Variants in KIZ observed in about 807,000 individuals in gnomAD.
KIZ encodes the protein centrosomal protein kizuna.
In KIZ, 68 loss-of-function variants were observed where a neutral mutation model predicts 79.6. That is an observed-to-expected ratio of 0.85 (90% CI 0.70 to 1.05). KIZ has a LOEUF of 1.05. KIZ is among the 50% of genes least tolerant of loss of function. KIZ has a pLI of 0.00. For missense variants in KIZ, 797 were observed against 800.4 expected (o/e 1.00, Z 0.05); for synonymous variants, 280 against 281.8 (o/e 0.99, Z 0.06).
intron 3 of KIZ, among the ~76,000 whole-genome samples, chr20:21,143,569 C>G (rs1362089121): frequency 6.6e-6 from 1 of 152,164 alleles, no homozygotes; most frequent in Non-Finnish European, 1.5e-5. Context: ...CATGTGCATA[C>G]TGAGGAAGTA....
chr20:21,215,505 A>C, intron 8 of KIZ, 78 bp from the exon 9 acceptor site: 1 of 760,842 alleles, frequency 1.3e-6, no homozygotes, highest in South Asian at 2.1e-5. Context: ...AAGTGAACAT[A>C]AAGGGAAGGA....
intron 11 of KIZ, among the ~76,000 whole-genome samples, chr20:21,233,084 C>T (rs1314682111): frequency 1.3e-5 from 2 of 152,196 alleles, no homozygotes; most frequent in East Asian, 1.9e-4. Flanking sequence ...CACAAATTAG[C>T]GTCTACAGCT....
intron 6 of KIZ, among the ~76,000 whole-genome samples, chr20:21,183,099 T>A (rs972640233): frequency 6.6e-6 from 1 of 152,098 alleles, no homozygotes; most frequent in Admixed American, 6.6e-5. Context: ...ATTGCTAAAT[T>A]TGGTCCAAAG....
chr20:21,184,910 G>A (rs749505729), intron 6 of KIZ, among the ~76,000 whole-genome samples: 4 of 152,172 alleles, frequency 2.6e-5, no homozygotes, highest in Non-Finnish European at 4.4e-5. Context: ...AGGCATGATG[G>A]TACACACCTG....
At chr20:21,171,142 T>A (rs555324521) in intron 6 of KIZ, among the ~76,000 whole-genome samples, 1 of 152,358 alleles carries the variant, frequency 6.6e-6, no homozygotes, top group African/African-American at 2.4e-5. Flanking sequence ...AGGTGTTTAG[T>A]GGTATGCAAT....
chr20:21,237,153 T>C (rs1316875210), intron 11 of KIZ, among the ~76,000 whole-genome samples: 1 of 151,280 alleles, frequency 6.6e-6, no homozygotes, highest in Non-Finnish European at 1.5e-5. Flanking sequence ...AGTACAAAAA[T>C]TAGCTAGACA....
chr20:21,181,553 GGTTCAAGC>G (rs2034656308), intron 6 of KIZ, among the ~76,000 whole-genome samples: 2 of 151,666 alleles, frequency 1.3e-5, no homozygotes, highest in South Asian at 4.2e-4. Flanking sequence ...CCACCTCCCA[GGTTCAAGC>G]GTTTCTCATG....
chr20:21,217,817 G>A (rs1014695626), intron 9 of KIZ, among the ~76,000 whole-genome samples: 1 of 152,060 alleles, frequency 6.6e-6, no homozygotes, highest in African/African-American at 2.4e-5. Context: ...TTCTGTGTGG[G>A]CCCCCACAGT....
chr20:21,228,637 A>G (rs903902713), intron 9 of KIZ, among the ~76,000 whole-genome samples: 1 of 152,240 alleles, frequency 6.6e-6, no homozygotes. Flanking sequence ...GCCAGAGCAA[A>G]GAGAGTTTCT....
chr20:21,199,398 T>C (rs1230330021), intron 6 of KIZ, among the ~76,000 whole-genome samples: 2 of 152,236 alleles, frequency 1.3e-5, no homozygotes, highest in Non-Finnish European at 2.9e-5. Flanking sequence ...TAGAGCCAGA[T>C]AAAGAAGTCA....
At chr20:21,235,768 C>T (rs369866065) in intron 11 of KIZ, among the ~76,000 whole-genome samples, 189 of 152,322 alleles carry the variant, frequency 1.2e-3, no homozygotes, top group East Asian at 2.9e-3. Context: ...GAAGTCACCC[C>T]GCCACTGTAC....
intron 7 of KIZ, among the ~76,000 whole-genome samples, chr20:21,210,659 T>A (rs2036029701): frequency 6.6e-6 from 1 of 152,328 alleles, no homozygotes; most frequent in Admixed American, 6.5e-5. Context: ...TTCAGGCTTT[T>A]GCTATGCATG....
chr20:21,223,089 T>C (rs1046226321), intron 9 of KIZ, among the ~76,000 whole-genome samples: 2 of 152,242 alleles, frequency 1.3e-5, no homozygotes, highest in Non-Finnish European at 2.9e-5. Context: ...AATAAATCAT[T>C]GAGTACAAAT....
rs1364261058 is a variant in KIZ at position 21,136,436 on chromosome 20, T to G, written c.199T>G (p.Cys67Gly). 2.6e-6 allele frequency: 4 copies of G among 1,567,954 alleles called. No individual in the cohort carries two copies. The highest frequency in any genetic ancestry group is 3.5e-6 in the Non-Finnish European group (4 of 1,149,180). The change falls in exon 3 of 13, where the codon TGT (cysteine) becomes GGT (glycine). Residue 67 changes from cysteine to glycine, a missense_variant. Cys to Gly is a radical substitution (Grantham distance 159). Transcript: ENST00000619189. ...VKLKNYLKEI[C>G]ESEKKAHTRN... ...ACTAAAGAATTATCTGAAGGAAATA[T>G]GTGAATCTGAAAAGAAGGCTCATAC...
intron 9 of KIZ, 91 bp downstream of exon 9, chr20:21,215,739 C>G: frequency 1.3e-6 from 1 of 746,086 alleles, no homozygotes; most frequent in Non-Finnish European, 2.3e-6. Flanking sequence ...GTGGACCCCA[C>G]TAAGAGCACA....
At chr20:21,153,339 T>C (rs992144247) in intron 4 of KIZ, among the ~76,000 whole-genome samples, 7 of 152,122 alleles carry the variant, frequency 4.6e-5, no homozygotes, top group African/African-American at 1.7e-4. Flanking sequence ...TACCTATGAA[T>C]TGAAGAAATA....
chr20:21,246,325 T>G, intron 12 of KIZ, 154 bp from the exon 13 acceptor site: 2 of 634,786 alleles, frequency 3.2e-6, no homozygotes, highest in South Asian at 3.6e-5. Context: ...TGACATGCAT[T>G]TGGGTGTGTC....
chr20:21,205,335 A>C (rs1416207151), intron 6 of KIZ, among the ~76,000 whole-genome samples, 156 bp from the exon 7 acceptor site: 1 of 152,188 alleles, frequency 6.6e-6, no homozygotes, highest in Non-Finnish European at 1.5e-5. Flanking sequence ...GTTTAAAAAA[A>C]AGGATACTTG....
chr20:21,241,806 G>T (rs1195789949), intron 11 of KIZ, among the ~76,000 whole-genome samples: 1 of 152,144 alleles, frequency 6.6e-6, no homozygotes, highest in Non-Finnish European at 1.5e-5. Context: ...ACACACACTC[G>T]CATAGATGTT....
Sources: gnomAD v4.1 joint callset for allele counts (sites outside exome capture counted in the v4.1 genomes callset) on GRCh38, gnomAD v4.1.1 for gene constraint, MANE v1.5 for transcripts, NCBI Gene and HGNC (gene_info 2026-07-23, HGNC 2026-07-21) for gene names.